Variants in EIF4G3 observed in about 807,000 individuals in gnomAD.
EIF4G3 encodes eukaryotic translation initiation factor 4 gamma 3, also known as eIF-4-gamma 3.
In EIF4G3, 34 loss-of-function variants were observed where a neutral mutation model predicts 186.4. The observed-to-expected ratio is 0.18, with a 90% CI of 0.14 to 0.24. The LOEUF is 0.24. Among genes scored for constraint, EIF4G3 ranks in the 10% least tolerant of loss-of-function variants. The pLI is 1.00. For missense variants in EIF4G3, 1,536 were observed against 1,948.5 expected (o/e 0.79, Z 3.99); for synonymous variants, 673 against 679.5 (o/e 0.99, Z 0.15).
chr1:20,854,878 C>T, intron 26 of EIF4G3, 100 bp downstream of exon 26: 2 of 962,036 alleles, frequency 2.1e-6, no homozygotes, highest in Non-Finnish European at 3.2e-6. Flanking sequence ...TTAGTCTACA[C>T]ATCTTTCCCA....
intron 3 of EIF4G3, among the ~76,000 whole-genome samples, chr1:21,079,374 A>C (rs1281759087): frequency 6.6e-6 from 1 of 152,060 alleles, no homozygotes; most frequent in African/African-American, 2.4e-5. Flanking sequence ...AAAATGGCTA[A>C]ATGTATCATG....
At chr1:20,925,511 C>T (rs1239022574) in intron 14 of EIF4G3, among the ~76,000 whole-genome samples, 1 of 152,160 alleles carries the variant, frequency 6.6e-6, no homozygotes, top group African/African-American at 2.4e-5. Context: ...TGAATGCTAT[C>T]ACATAAATAA....
intron 20 of EIF4G3, among the ~76,000 whole-genome samples, chr1:20,873,477 T>C (rs1413041819): frequency 6.6e-6 from 1 of 152,230 alleles, no homozygotes; most frequent in East Asian, 1.9e-4. Context: ...GCGAGAGTTC[T>C]TGTTGTTTCA....
chr1:21,100,998 C>G (rs1205864877), intron 2 of EIF4G3, among the ~76,000 whole-genome samples: 1 of 152,098 alleles, frequency 6.6e-6, no homozygotes, highest in African/African-American at 2.4e-5. Flanking sequence ...AGATCCTTCT[C>G]CACAGCCAAT....
chr1:20,938,771 G>T (rs557565518), intron 14 of EIF4G3, among the ~76,000 whole-genome samples: 1 of 152,026 alleles, frequency 6.6e-6, no homozygotes. Context: ...AAAAATATTC[G>T]GACAGAAATG....
At chr1:20,991,501 G>A (rs2081098474) in intron 7 of EIF4G3, among the ~76,000 whole-genome samples, 1 of 151,938 alleles carries the variant, frequency 6.6e-6, no homozygotes, top group Admixed American at 6.5e-5. Context: ...CTGGGAGGAG[G>A]AGGTTGCAGA....
chr1:21,014,745 C>T (rs2088363356), intron 4 of EIF4G3, among the ~76,000 whole-genome samples: 1 of 14,278 alleles, frequency 7.0e-5, no homozygotes, highest in Non-Finnish European at 7.9e-3. Context: ...AGCAATTCTC[C>T]TGCCCAGCCT....
rs574580779 is a variant in EIF4G3 at position 21,039,656 on chromosome 1, T to G, written c.-67+11210A>C. 7.9e-5 allele frequency among the ~76,000 whole-genome samples: 12 copies of G among 152,248 alleles called. No homozygotes were observed. In the East Asian group the frequency reaches 2.3e-3, roughly 29 times the overall value. On this transcript the variant is annotated intron_variant, in intron 4 of 36. Coordinates refer to ENST00000602326, the MANE Select transcript of EIF4G3 (RefSeq NM_001391906.1). ...CCAGACTGGTGTACAGAATGAGACC[T>G]GTCTCAAAAAAATCCAAAAATTAAA...
At chr1:21,083,633 T>A (rs1001952364) in intron 3 of EIF4G3, among the ~76,000 whole-genome samples, 30 of 152,140 alleles carry the variant, frequency 2.0e-4, no homozygotes, top group Non-Finnish European at 3.1e-4. Flanking sequence ...CTCGATTTTT[T>A]AAAACTGATC....
chr1:21,148,616 G>A (rs1347697733), intron 2 of EIF4G3, among the ~76,000 whole-genome samples: 1 of 151,312 alleles, frequency 6.6e-6, no homozygotes, highest in African/African-American at 2.4e-5. Flanking sequence ...GCAGGAGAAT[G>A]GTGTGAACCC....
intron 13 of EIF4G3, among the ~76,000 whole-genome samples, chr1:20,947,777 C>T (rs1028767767): frequency 6.6e-6 from 1 of 152,148 alleles, no homozygotes; most frequent in Admixed American, 6.5e-5. Context: ...AACCTGAATA[C>T]TTTCCAATTA....
At chr1:20,971,191 C>A (rs1461294969) in intron 11 of EIF4G3, among the ~76,000 whole-genome samples, 2 of 152,188 alleles carry the variant, frequency 1.3e-5, no homozygotes, top group African/African-American at 4.8e-5. Flanking sequence ...AAAGGACCCA[C>A]TGTTGTTTAT....
chr1:21,105,191 G>T (rs1258341954), intron 2 of EIF4G3, among the ~76,000 whole-genome samples: 1 of 152,186 alleles, frequency 6.6e-6, no homozygotes, highest in African/African-American at 2.4e-5. Flanking sequence ...GGGAGGCCAA[G>T]GCAGGCAGAT....
chr1:20,834,712 T>G (rs1212937120), intron 30 of EIF4G3, among the ~76,000 whole-genome samples: 1 of 152,118 alleles, frequency 6.6e-6, no homozygotes. Context: ...CATATGCACC[T>G]CAAATTGGAG....
chr1:21,149,150 T>C (rs1421210971), intron 2 of EIF4G3, among the ~76,000 whole-genome samples: 1 of 150,318 alleles, frequency 6.7e-6, no homozygotes, highest in Non-Finnish European at 1.5e-5. Context: ...ATAGGAAAAA[T>C]AATACAAAGT....
intron 15 of EIF4G3, among the ~76,000 whole-genome samples, chr1:20,902,726 C>T (rs1290117930): frequency 1.3e-5 from 2 of 152,150 alleles, no homozygotes; most frequent in African/African-American, 2.4e-5. Flanking sequence ...TTGCAACCTC[C>T]GCCTTCTGGG....
chr1:21,019,438 G>A lies in EIF4G3; in HGVS notation c.-66-16630C>T, dbSNP rs372840897. On this transcript the variant is annotated intron_variant, in intron 4 of 36. Transcript: ENST00000602326. ...TTCCACATGAAACTCATAAATGGTA[G>A]ACAGCTATATAAAACCATCCAACAC... Among the ~76,000 whole-genome samples, 6 of 152,248 alleles carry A rather than the reference G, an allele frequency of 3.9e-5. No individual in the cohort carries two copies. The East Asian group carries it at 5.8e-4, about 15-fold the overall frequency.
intron 34 of EIF4G3, among the ~76,000 whole-genome samples, chr1:20,816,545 G>A (rs1453849962): frequency 4.2e-5 from 3 of 71,350 alleles, no homozygotes; most frequent in Non-Finnish European, 5.7e-5. Flanking sequence ...GGTGAGGGGC[G>A]CCTCTGCCCG....
At chr1:21,162,805 C>G (rs1377539844) in intron 2 of EIF4G3, among the ~76,000 whole-genome samples, 2 of 152,052 alleles carry the variant, frequency 1.3e-5, no homozygotes, top group East Asian at 3.9e-4. Context: ...TAATGGTTAC[C>G]AGGTGGGGGT....
Sources: gnomAD v4.1 joint callset for allele counts (sites outside exome capture counted in the v4.1 genomes callset) on GRCh38, gnomAD v4.1.1 for gene constraint, MANE v1.5 for transcripts, NCBI Gene and HGNC (gene_info 2026-07-23, HGNC 2026-07-21) for gene names.